Variants in MTMR8 observed in about 807,000 individuals in gnomAD.
MTMR8 encodes phosphatidylinositol-3,5-bisphosphate 3-phosphatase MTMR8.
Under a neutral mutation model 39.3 loss-of-function variants are expected in MTMR8, and 65 were observed. That is an observed-to-expected ratio of 1.65 (90% CI 1.35 to 2.03). The LOEUF is 2.03. Ranked by LOEUF, MTMR8 falls within the 30% of genes most tolerant of loss-of-function variation. MTMR8 has a pLI of 0.00. For synonymous variants in MTMR8, 245 were observed against 185.2 expected, an observed-to-expected ratio of 1.32 and a Z score of -2.62; for missense variants, 777 against 538.9, an observed-to-expected ratio of 1.44 and a Z score of -4.37.
chrX:64,319,429 T>G (rs1160602028), intron 12 of MTMR8, among the ~76,000 whole-genome samples: 3 of 112,522 alleles, frequency 2.7e-5, no homozygotes, highest in Non-Finnish European at 5.6e-5. Context: ...TTGTCAATTT[T>G]GGCTTTTGTG....
At chrX:64,379,249 G>T (rs988662465) in intron 1 of MTMR8, among the ~76,000 whole-genome samples, 3 of 112,027 alleles carry the variant, frequency 2.7e-5, no homozygotes, top group Non-Finnish European at 5.6e-5. Context: ...CAAAATGGAA[G>T]CAGACAGAAT....
At chrX:64,293,878 T>TTTGAAAGGTTGTA (rs1304644844) in intron 12 of MTMR8, among the ~76,000 whole-genome samples, 10 of 111,599 alleles carry the variant, frequency 9.0e-5, no homozygotes, top group Non-Finnish European at 1.5e-4. Flanking sequence ...CCTGAGACTA[T>TTTGAAAGGTTGTA]CCCCTTTCCT....
chrX:64,369,994 C>T (rs1032101846), intron 1 of MTMR8, among the ~76,000 whole-genome samples: 1 of 111,140 alleles, frequency 9.0e-6, no homozygotes, highest in African/African-American at 3.3e-5. Context: ...TTGAAAGATG[C>T]ATTCTAATAC....
At chrX:64,318,954 T>A (rs1416722487) in intron 12 of MTMR8, among the ~76,000 whole-genome samples, 1 of 111,655 alleles carries the variant, frequency 9.0e-6, no homozygotes, top group Non-Finnish European at 1.9e-5. Flanking sequence ...GTGCTGGGAT[T>A]ACAGGCATTA....
chrX:64,324,508 C>A (rs756278676), intron 12 of MTMR8, among the ~76,000 whole-genome samples: 2 of 110,341 alleles, frequency 1.8e-5, no homozygotes, highest in African/African-American at 6.6e-5. Context: ...CATAGTGAGA[C>A]CCCCATCTCT....
chrX:64,345,856 T>G (rs1923336925), intron 6 of MTMR8, among the ~76,000 whole-genome samples: 1 of 112,416 alleles, frequency 8.9e-6, no homozygotes, highest in South Asian at 3.7e-4. Context: ...TGGACTCATG[T>G]AATCCTCTTG....
rs1931676324 is a variant in MTMR8 at position 64,268,452 on chromosome X, A to G, written c.*85T>C. 9.0e-7 allele frequency: 1 copy of G among 1,112,503 alleles called. No homozygotes were observed. Among genetic ancestry groups the G allele is most frequent in the Non-Finnish European group, 1.2e-6 (1 of 837,887 alleles). The allele number at this position is 1,112,503 out of a possible 1,213,427, so 91.7% of individuals were successfully genotyped here. A position where few individuals can be genotyped will look rare whatever the true frequency, so the allele number is the denominator to read the frequency against. On this transcript the variant is annotated 3_prime_UTR_variant, in exon 14 of 14. Transcript: ENST00000374852. ...GCCCTGGCTTCACCCACTTAAACCAATTGGAAAAGCAGCATAGCCCTCTCT... is the reference window on the plus strand; with the variant it reads ...GCCCTGGCTTCACCCACTTAAACCAGTTGGAAAAGCAGCATAGCCCTCTCT...
intron 12 of MTMR8, among the ~76,000 whole-genome samples, chrX:64,307,504 G>A (rs1331787801): frequency 4.5e-5 from 5 of 111,496 alleles, no homozygotes; most frequent in Non-Finnish European, 3.8e-5. Flanking sequence ...TAATTTAGGC[G>A]TATCTGTGCA....
rs778820233 is a variant in MTMR8 at position 64,314,569 on chromosome X, C to A, written c.1481+14203G>T. Among the ~76,000 whole-genome samples the A allele has an allele frequency of 3.5e-5, 4 of 113,124 alleles. No individual in the cohort carries two copies. In the South Asian group the frequency reaches 1.4e-3, roughly 41 times the overall value. On this transcript the variant is annotated intron_variant, in intron 12 of 13. Coordinates refer to ENST00000374852, the MANE Select transcript of MTMR8 (RefSeq NM_017677.4). Reference sequence around the variant, plus strand: ...AGGGGCGGAACTGCCTGGCTTTGTGCCTGCCAAGGCTCCAACTGCAATGGC... The same window carrying A: ...AGGGGCGGAACTGCCTGGCTTTGTGACTGCCAAGGCTCCAACTGCAATGGC...
At chrX:64,328,256 A>C (rs982661935) in intron 12 of MTMR8, among the ~76,000 whole-genome samples, 2 of 111,896 alleles carry the variant, frequency 1.8e-5, no homozygotes, top group African/African-American at 6.5e-5. Context: ...AAATGAAGAA[A>C]TAGAATTCTC....
chrX:64,350,798 T>C lies in MTMR8; in HGVS notation c.469-728A>G, dbSNP rs762756350. Among the ~76,000 whole-genome samples, 47 of 111,503 alleles carry C rather than the reference T, an allele frequency of 4.2e-4. No individual in the cohort carries two copies. The South Asian group carries it at 0.011, about 26-fold the overall frequency. On this transcript the variant is annotated intron_variant, in intron 4 of 13. Coordinates refer to ENST00000374852, the MANE Select transcript of MTMR8 (RefSeq NM_017677.4). ...ATATTTTCTCAAGTTTATCAGCTTT[T>C]AGTGGTTACCAAAATACATATTTCC...
At chrX:64,366,917 G>T (rs1265700261) in intron 1 of MTMR8, among the ~76,000 whole-genome samples, 1 of 111,499 alleles carries the variant, frequency 9.0e-6, no homozygotes, top group Non-Finnish European at 1.9e-5. Flanking sequence ...AATGATAAAG[G>T]TGATATCACC....
chrX:64,294,389 G>A (rs1193095323), intron 12 of MTMR8, among the ~76,000 whole-genome samples: 5 of 111,394 alleles, frequency 4.5e-5, no homozygotes, highest in African/African-American at 6.5e-5. Context: ...ATAGCCCTGT[G>A]ATCGAACTTG....
chrX:64,309,135 G>A (rs1439749814), intron 12 of MTMR8, among the ~76,000 whole-genome samples: 1 of 112,029 alleles, frequency 8.9e-6, no homozygotes, highest in Non-Finnish European at 1.9e-5. Context: ...CAGCCTGTCA[G>A]TATTCACAAA....
chrX:64,382,436 T>G (rs1924451712), intron 1 of MTMR8, among the ~76,000 whole-genome samples: 1 of 111,736 alleles, frequency 8.9e-6, no homozygotes, highest in Non-Finnish European at 1.9e-5. Context: ...ATGCTTGTGG[T>G]TTTTGCACAT....
intron 1 of MTMR8, among the ~76,000 whole-genome samples, chrX:64,360,887 A>T (rs1923761135): frequency 9.0e-6 from 1 of 111,716 alleles, no homozygotes; most frequent in African/African-American, 3.2e-5. Context: ...TGTAATGGAA[A>T]TAAGCAAAAG....
intron 12 of MTMR8, among the ~76,000 whole-genome samples, chrX:64,294,838 A>G (rs966983184): frequency 7.2e-5 from 8 of 111,567 alleles, no homozygotes; most frequent in Non-Finnish European, 1.1e-4. Flanking sequence ...TTATCTCCTA[A>G]TACCATCACA....
At chrX:64,374,232 A>T (rs759064752) in intron 1 of MTMR8, among the ~76,000 whole-genome samples, 2 of 112,082 alleles carry the variant, frequency 1.8e-5, no homozygotes, top group East Asian at 5.6e-4. Flanking sequence ...TGAGCAGAGC[A>T]CTAGGGCAAC....
chrX:64,312,626 T>C (rs1602125314), intron 12 of MTMR8, among the ~76,000 whole-genome samples: 1 of 112,860 alleles, frequency 8.9e-6, no homozygotes, highest in Middle Eastern at 4.6e-3. Context: ...GCATCTAGAA[T>C]AGTGAATTGT....
Sources: allele counts gnomAD v4.1 joint callset (sites outside exome capture counted in the v4.1 genomes callset), GRCh38; gene constraint gnomAD v4.1.1; transcripts MANE v1.5; gene names NCBI Gene and HGNC (gene_info 2026-07-23, HGNC 2026-07-21).